The following DACH2 variants were observed in gnomAD, a reference collection of about 807,000 sequenced individuals.
DACH2 encodes dachshund family transcription factor 2, also known as dachshund homolog 2.
In DACH2, 17 loss-of-function variants were observed where a neutral mutation model predicts 35.8. The observed-to-expected ratio is 0.48, with a 90% CI of 0.33 to 0.71. DACH2 has a LOEUF of 0.71. DACH2 is among the 30% of genes least tolerant of loss of function. DACH2 has a pLI of 0.02. For synonymous variants in DACH2, 195 were observed against 177.3 expected (o/e 1.10, Z -0.79); for missense variants, 469 against 472.7 (o/e 0.99, Z 0.07).
intron 4 of DACH2, among the ~76,000 whole-genome samples, chrX:86,664,564 A>C (rs1196003619): frequency 1.8e-5 from 2 of 112,277 alleles, no homozygotes; most frequent in Non-Finnish European, 3.8e-5. Flanking sequence ...ATATTTAAGG[A>C]ACCATCAGGA....
intron 1 of DACH2, among the ~76,000 whole-genome samples, chrX:86,339,923 G>T (rs1215060554): frequency 8.9e-6 from 1 of 111,762 alleles, no homozygotes; most frequent in Non-Finnish European, 1.9e-5. Flanking sequence ...TTGTCACAGA[G>T]ATTTCTTTAT....
intron 7 of DACH2, among the ~76,000 whole-genome samples, chrX:86,789,061 C>T (rs2042164087): frequency 1.8e-5 from 2 of 111,541 alleles, no homozygotes; most frequent in Admixed American, 9.6e-5. Flanking sequence ...TCAGACAAAC[C>T]TTTATTCTCA....
intron 7 of DACH2, among the ~76,000 whole-genome samples, chrX:86,763,001 G>A (rs1045204839): frequency 9.1e-6 from 1 of 110,486 alleles, no homozygotes; most frequent in African/African-American, 3.3e-5. Context: ...CACTCTCTAT[G>A]TACATGAGCA....
chrX:86,488,453 T>C (rs1025445130), intron 2 of DACH2, among the ~76,000 whole-genome samples: 12 of 111,243 alleles, frequency 1.1e-4, no homozygotes, highest in African/African-American at 3.6e-4. Context: ...GCATAGTGAG[T>C]CAGTGTGCTG....
chrX:86,205,362 A>T (rs1168735682), intron 1 of DACH2, among the ~76,000 whole-genome samples: 2 of 107,405 alleles, frequency 1.9e-5, no homozygotes, highest in Admixed American at 1.0e-4. Context: ...AATAAGCCTG[A>T]GAAACACTGG....
chrX:86,201,097 T>C (rs373007976), intron 1 of DACH2, among the ~76,000 whole-genome samples: 7 of 111,691 alleles, frequency 6.3e-5, no homozygotes, highest in East Asian at 5.6e-4. Context: ...CATGGAATAC[T>C]ATGCAGTCAT....
chrX:86,161,088 G>A, intron 1 of DACH2: 1 of 1,082,057 alleles, frequency 9.2e-7, no homozygotes, highest in Non-Finnish European at 1.3e-6. Flanking sequence ...TGGCACAAAT[G>A]CTACTGTGTT....
intron 3 of DACH2, among the ~76,000 whole-genome samples, chrX:86,545,152 G>A (rs773494124): frequency 1.8e-5 from 2 of 111,566 alleles, no homozygotes; most frequent in South Asian, 3.7e-4. Context: ...AGAATCAACC[G>A]AAAAGCCCAC....
At chrX:86,183,703 G>GCC (rs2031581350) in intron 1 of DACH2, among the ~76,000 whole-genome samples, 1 of 111,765 alleles carries the variant, frequency 8.9e-6, no homozygotes, top group African/African-American at 3.3e-5. Flanking sequence ...ATGAATTAGG[G>GCC]AGGAGTCCCT....
At chrX:86,423,675 G>T (rs1474798489) in intron 2 of DACH2, among the ~76,000 whole-genome samples, 2 of 110,256 alleles carry the variant, frequency 1.8e-5, no homozygotes, top group Non-Finnish European at 3.8e-5. Context: ...GTGATTTCAT[G>T]TGTCTATTTT....
chrX:86,412,196 G>A (rs903511250), intron 2 of DACH2, among the ~76,000 whole-genome samples: 7 of 111,157 alleles, frequency 6.3e-5, no homozygotes, highest in Non-Finnish European at 1.1e-4. Context: ...GTGTCTCCTG[G>A]TGGCAGCATT....
chrX:86,748,756 G>A (rs1037871798), intron 7 of DACH2, among the ~76,000 whole-genome samples: 1 of 111,721 alleles, frequency 9.0e-6, no homozygotes, highest in Non-Finnish European at 1.9e-5. Context: ...AGGAGAGTTA[G>A]CCTGTCCTTT....
intron 2 of DACH2, among the ~76,000 whole-genome samples, chrX:86,378,875 G>A (rs183880038): frequency 5.3e-4 from 59 of 111,062 alleles, no homozygotes; most frequent in African/African-American, 1.8e-3. Flanking sequence ...GTGGTTATGC[G>A]CTTTGTGGGT....
At chrX:86,421,173 C>T (rs766822462) in intron 2 of DACH2, among the ~76,000 whole-genome samples, 3 of 111,688 alleles carry the variant, frequency 2.7e-5, no homozygotes, top group Non-Finnish European at 5.7e-5. Context: ...TATGGCACCT[C>T]TTTATAGAAC....
chrX:86,662,354 G>A (rs1353397685), intron 4 of DACH2, among the ~76,000 whole-genome samples: 1 of 111,772 alleles, frequency 8.9e-6, no homozygotes, highest in African/African-American at 3.3e-5. Context: ...AGCACTTTGG[G>A]AGGCCGAGGC....
chrX:86,501,161 T>A (rs2038244061), intron 2 of DACH2, among the ~76,000 whole-genome samples: 1 of 112,680 alleles, frequency 8.9e-6, no homozygotes, highest in Admixed American at 9.4e-5. Context: ...ACTTTTATTT[T>A]CATAATTACC....
chrX:86,673,169 A>T (rs2040786092), intron 4 of DACH2, among the ~76,000 whole-genome samples: 1 of 109,675 alleles, frequency 9.1e-6, no homozygotes, highest in Non-Finnish European at 1.9e-5. Flanking sequence ...CCCTGTCTCT[A>T]CTAAAAACAC....
chrX:86,163,176 C>T (rs901028433), intron 1 of DACH2, among the ~76,000 whole-genome samples: 3 of 110,778 alleles, frequency 2.7e-5, no homozygotes, highest in African/African-American at 9.8e-5. Context: ...ATTAACCATC[C>T]CCACCTTCCC....
intron 3 of DACH2, among the ~76,000 whole-genome samples, chrX:86,616,643 T>C (rs771299137): frequency 7.1e-5 from 8 of 112,525 alleles, no homozygotes; most frequent in South Asian, 3.6e-4. Flanking sequence ...TTTCTTTAAG[T>C]TCCTTATAGA....
Sources: gnomAD v4.1 joint callset for allele counts (sites outside exome capture counted in the v4.1 genomes callset) on GRCh38, gnomAD v4.1.1 for gene constraint, MANE v1.5 for transcripts, NCBI Gene and HGNC (gene_info 2026-07-23, HGNC 2026-07-21) for gene names.